Variants in ATP2B1 observed in about 807,000 individuals in gnomAD.
ATP2B1 encodes ATPase plasma membrane Ca2+ transporting 1.
ATP2B1 carries 14 observed loss-of-function variants against 124.2 expected under a neutral mutation model. That is an observed-to-expected ratio of 0.11 (90% CI 0.07 to 0.18). ATP2B1 has a LOEUF of 0.18. ATP2B1 is among the 10% of genes least tolerant of loss of function. ATP2B1 has a pLI of 1.00. For missense variants in ATP2B1, 763 were observed against 1,466.1 expected (o/e 0.52, Z 7.83); for synonymous variants, 449 against 492.4 (o/e 0.91, Z 1.17).
At chr12:89,684,360 C>G (rs949610589) in intron 1 of ATP2B1, among the ~76,000 whole-genome samples, 22 of 152,086 alleles carry the variant, frequency 1.4e-4, no homozygotes, top group Admixed American at 5.9e-4. Flanking sequence ...TGTGCTAACG[C>G]TGGGAGCTAC....
rs535252421 is a variant in ATP2B1, at chr12:89,642,060, A to G, written c.406+98T>C. On this transcript the variant is annotated intron_variant, in intron 3 of 20. Coordinates refer to ENST00000428670, the MANE Select transcript of ATP2B1 (RefSeq NM_001366521.1). ...TAGAACAGTGCCTAGCACATAGCAA[A>G]CATCAATAAATGCTGGCCAGCTATT... 1.6e-5 allele frequency: 20 copies of G among 1,216,402 alleles called. No homozygotes were observed. The East Asian group carries it at 4.0e-4, about 24-fold the overall frequency. 75.4% of individuals were successfully genotyped at this position (1,216,402 alleles called of 1,614,324 possible).
rs1015371837 is a variant in ATP2B1, at chr12:89,604,474, A to C, written c.2443-128T>G. ...AATAAATATTACTTAAATTTACACT[A>C]AAAGAAGGTAACAGAGTTATTCTAA... On this transcript the variant is annotated intron_variant, in intron 15 of 20. Transcript: ENST00000428670. 8 of 652,168 alleles carry C rather than the reference A, an allele frequency of 1.2e-5. No individual in the cohort carries two copies. In the African/African-American group the frequency reaches 1.5e-4, roughly 12 times the overall value. 40.4% of individuals were successfully genotyped at this position (652,168 alleles called of 1,614,324 possible).
chr12:89,640,754 TCAC>T (rs1333239045), intron 3 of ATP2B1, among the ~76,000 whole-genome samples: 2 of 151,968 alleles, frequency 1.3e-5, no homozygotes, highest in Non-Finnish European at 1.5e-5. Context: ...GGTGACTACT[TCAC>T]ACAAGAGCAG....
chr12:89,621,158 A>G (rs1219593236), intron 10 of ATP2B1, among the ~76,000 whole-genome samples: 2 of 152,150 alleles, frequency 1.3e-5, no homozygotes, highest in Non-Finnish European at 2.9e-5. Flanking sequence ...CATGGCAACC[A>G]TATATAAAAC....
At position 89,668,388 on chromosome 12, in the gene ATP2B1, T is replaced by C. The variant is rs940624919; in HGVS notation, c.-221-12281A>G. ...CTCCTAACAGAAAACTAAAATAAGA[T>C]AACCAGCACACACATAAAAAAGAAA... On this transcript the variant is annotated intron_variant, in intron 1 of 20. Coordinates refer to ENST00000428670, the MANE Select transcript of ATP2B1 (RefSeq NM_001366521.1). Among the ~76,000 whole-genome samples the C allele has an allele frequency of 6.6e-5, 10 of 152,250 alleles. No homozygotes were observed. In the Middle Eastern group the frequency reaches 0.01, roughly 155 times the overall value.
At chr12:89,651,745 T>G (rs899839687) in intron 2 of ATP2B1, among the ~76,000 whole-genome samples, 2 of 152,194 alleles carry the variant, frequency 1.3e-5, no homozygotes, top group Admixed American at 6.5e-5. Flanking sequence ...ACTGAACTTT[T>G]GTAACAGGTA....
Position 89,630,604 on chromosome 12 carries a change from C to T in ATP2B1, c.829G>A (p.Ala277Thr), listed in dbSNP as rs1565843111. Residue 277 changes from alanine to threonine, a missense_variant, in exon 6 of 21, where the codon GCT becomes ACT. Physicochemically the swap from Ala to Thr is moderately conservative, Grantham distance 58. This residue lies in a region of ATP2B1 where 392 missense variants were observed against 776.6 expected (regional missense o/e 0.50). Transcript: ENST00000428670. Reference protein sequence around the residue: ...MEGSGRMVVTAVGVNSQTGII... With the variant: ...MEGSGRMVVTTVGVNSQTGII... ...CCAGTTTGAGAATTTACACCTACAGCTGTAACTACCATTCTTCCAGAGCCT... is the reference window on the plus strand; with the variant it reads ...CCAGTTTGAGAATTTACACCTACAGTTGTAACTACCATTCTTCCAGAGCCT... 4 of 1,599,386 alleles carry T rather than the reference C, an allele frequency of 2.5e-6. No homozygotes were observed. The highest frequency in any genetic ancestry group is 3.4e-6 in the Non-Finnish European group (4 of 1,172,350).
At position 89,590,213 on chromosome 12, in the gene ATP2B1, T is replaced by C. The variant is rs1376574980; in HGVS notation, c.*771A>G. 1 of 152,520 alleles carries C rather than the reference T, an allele frequency of 6.6e-6. No homozygotes were observed. The highest frequency in any genetic ancestry group is 1.5e-5 in the Non-Finnish European group (1 of 68,002). 9.4% of individuals were successfully genotyped at this position (152,520 alleles called of 1,614,324 possible). A position where few individuals can be genotyped will look rare whatever the true frequency, so the allele number is the denominator to read the frequency against. Reference sequence around the variant, plus strand: ...CTTCAAAACCATTAAGTAGTAAATGTATTTAAGAAACTAATTAGGACAGAT... The same window carrying C: ...CTTCAAAACCATTAAGTAGTAAATGCATTTAAGAAACTAATTAGGACAGAT... On this transcript the variant is annotated 3_prime_UTR_variant, in exon 21 of 21. Transcript: ENST00000428670.
intron 2 of ATP2B1, among the ~76,000 whole-genome samples, chr12:89,642,700 G>GT (rs141469275): frequency 0.064 from 9,703 of 152,072 alleles, 412 homozygotes; most frequent in Admixed American, 0.1. Flanking sequence ...TGCCTCCCAG[G>GT]TTCAAGTGAT....
At position 89,604,136 on chromosome 12, in the gene ATP2B1, TA is replaced by T; in HGVS notation, c.2634+18del. ...TAAATTTAAAGTAAACAAGTTTTGA[TA>T]GACAAGTCATCACCTACTTGAGTAA... On this transcript the variant is annotated intron_variant, in intron 16 of 20. Transcript: ENST00000428670. 1.2e-6 allele frequency: 2 copies of T among 1,604,968 alleles called. No individual in the cohort carries two copies. The highest frequency in any genetic ancestry group is 1.7e-6 in the Non-Finnish European group (2 of 1,176,482).
intron 1 of ATP2B1, among the ~76,000 whole-genome samples, chr12:89,685,784 T>C (rs143272641): frequency 3.3e-5 from 5 of 152,252 alleles, no homozygotes; most frequent in Non-Finnish European, 7.4e-5. Context: ...CAATAAGGTC[T>C]TAAGAGGTAA....
chr12:89,639,387 C>T (rs1396789186), intron 3 of ATP2B1, among the ~76,000 whole-genome samples: 1 of 151,864 alleles, frequency 6.6e-6, no homozygotes, highest in East Asian at 1.9e-4. Flanking sequence ...GCCTATAGTC[C>T]CAGCTACTCA....
At chr12:89,606,308 T>A (rs1455544276) in intron 15 of ATP2B1, among the ~76,000 whole-genome samples, 1 of 152,144 alleles carries the variant, frequency 6.6e-6, no homozygotes, top group Non-Finnish European at 1.5e-5. Flanking sequence ...CAGAATTATG[T>A]GATTCAGAGA....
chr12:89,655,257 T>C (rs1234846601), intron 2 of ATP2B1, among the ~76,000 whole-genome samples: 2 of 152,334 alleles, frequency 1.3e-5, no homozygotes, highest in South Asian at 2.1e-4. Context: ...AAGCCTCATA[T>C]GCTAAAACCA....
chr12:89,670,805 C>T (rs1020877742), intron 1 of ATP2B1, among the ~76,000 whole-genome samples: 2 of 151,938 alleles, frequency 1.3e-5, no homozygotes, highest in Non-Finnish European at 2.9e-5. Flanking sequence ...AGTAATCATT[C>T]GCCTGGTTAA....
intron 2 of ATP2B1, among the ~76,000 whole-genome samples, chr12:89,644,879 C>A (rs1884204081): frequency 6.6e-6 from 1 of 152,148 alleles, no homozygotes; most frequent in South Asian, 2.1e-4. Context: ...TATGTTACCA[C>A]TGAAAAGAAC....
At chr12:89,656,148 T>G (rs1165170122) in intron 1 of ATP2B1, 41 bp from the exon 2 acceptor site, 1 of 427,292 alleles carries the variant, frequency 2.3e-6, no homozygotes, top group Non-Finnish European at 4.1e-6. Context: ...AAATCTATCT[T>G]AAGAGTATTA....
chr12:89,701,812 G>A (rs1207363315), intron 1 of ATP2B1, among the ~76,000 whole-genome samples: 1 of 152,090 alleles, frequency 6.6e-6, no homozygotes, highest in African/African-American at 2.4e-5. Flanking sequence ...CTCCCAAAGT[G>A]CTAGGACTTA....
chr12:89,708,216 C>T (rs1356839281), intron 1 of ATP2B1, among the ~76,000 whole-genome samples: 1 of 152,090 alleles, frequency 6.6e-6, no homozygotes, highest in Non-Finnish European at 1.5e-5. Flanking sequence ...AAGGTCACCA[C>T]GCGCCGTGGC....
Sources: gnomAD v4.1 joint callset for allele counts (sites outside exome capture counted in the v4.1 genomes callset) on GRCh38, gnomAD v4.1.1 for gene constraint, gnomAD v4.1.1 regional missense constraint, MANE v1.5 for transcripts, NCBI Gene and HGNC (gene_info 2026-07-23, HGNC 2026-07-21) for gene names.